Variants in FREM1 observed in about 807,000 individuals in gnomAD.
The protein encoded by FREM1 is FRAS1 related extracellular matrix 1.
FREM1 carries 220 observed loss-of-function variants against 210.1 expected under a neutral mutation model. The observed-to-expected ratio is 1.05, with a 90% CI of 0.94 to 1.17. FREM1 has a LOEUF of 1.17. Among genes scored for constraint, FREM1 ranks in the 50% most tolerant of loss-of-function variants. The pLI is 0.00. For missense variants in FREM1, 3,454 were observed against 2,675.5 expected, an observed-to-expected ratio of 1.29 and a Z score of -6.42; for synonymous variants, 1,189 against 980.2, an observed-to-expected ratio of 1.21 and a Z score of -3.98.
chr9:14,740,011 A>C (rs1039103659), intron 36 of FREM1, 138 bp downstream of exon 36: 9 of 455,786 alleles, frequency 2.0e-5, no homozygotes, highest in Non-Finnish European at 3.5e-5. Flanking sequence ...TTAAAAGATA[A>C]ATGGCTAGAT....
intron 1 of FREM1, among the ~76,000 whole-genome samples, chr9:14,874,573 G>C (rs1236328353): frequency 6.6e-6 from 1 of 151,088 alleles, no homozygotes; most frequent in African/African-American, 2.5e-5. Flanking sequence ...CTGCACATGA[G>C]ATGGGTTTCC....
chr9:14,797,731 G>T, intron 20 of FREM1, 89 bp from the exon 21 acceptor site: 1 of 1,123,270 alleles, frequency 8.9e-7, no homozygotes. Flanking sequence ...TTTCAAGGCA[G>T]GGGTATTAGC....
At chr9:14,861,631 C>T (rs770096316) in intron 3 of FREM1, among the ~76,000 whole-genome samples, 12 of 151,350 alleles carry the variant, frequency 7.9e-5, no homozygotes, top group African/African-American at 2.7e-4. Flanking sequence ...CTTAGCCTCC[C>T]GAATAGCTGG....
intron 29 of FREM1, 59 bp from the exon 30 acceptor site, chr9:14,750,335 A>C: frequency 7.4e-7 from 1 of 1,345,720 alleles, no homozygotes; most frequent in Non-Finnish European, 1.0e-6. Flanking sequence ...CCTAGGTGTC[A>C]GAGAAATATA....
rs746986331 is a variant in FREM1, at chr9:14,842,657, C to T, written c.1397G>A (p.Gly466Glu). ...AGCCACGGTGAAGAGAAACCCTTTC[C>T]CCCCTGAGGGAGAGAGCAGAGATGG... ...LQHGWLTLRGGKGFLFTVADL... is the reference protein window; with the variant it reads ...LQHGWLTLRGEKGFLFTVADL... Residue 466 changes from glycine (G) to glutamate (E), a missense_variant, in exon 9 of 37, where the codon GGG becomes GAG. Coordinates refer to ENST00000380880, the MANE Select transcript of FREM1 (RefSeq NM_001379081.2). 4.3e-5 allele frequency: 70 copies of T among 1,611,552 alleles called. No individual in the cohort carries two copies. The highest frequency in any genetic ancestry group is 5.8e-5 in the Non-Finnish European group (68 of 1,178,536).
rs767899507 is a variant in FREM1 at position 14,769,837 on chromosome 9, C to A, written c.5091G>T (p.Lys1697Asn). 2.5e-6 allele frequency: 4 copies of A among 1,570,960 alleles called. No homozygotes were observed. Among genetic ancestry groups the A allele is most frequent in the Non-Finnish European group, 2.6e-6 (3 of 1,156,904 alleles). Residue 1697 changes from lysine (K) to asparagine (N), a missense_variant, in exon 27 of 37, where the codon AAG becomes AAT. Coordinates refer to ENST00000380880, the MANE Select transcript of FREM1 (RefSeq NM_001379081.2). ...GEFIHEKFSQ[K>N]DLNSKTILYI... ...AAAGAATAGTCTTACTGTTTAAGTCCTTTTGGCTAAATTTCTCATGGATAA... is the reference window on the plus strand; with the variant it reads ...AAAGAATAGTCTTACTGTTTAAGTCATTTTGGCTAAATTTCTCATGGATAA...
chr9:14,784,713 C>G, intron 23 of FREM1, 79 bp from the exon 24 acceptor site: 2 of 1,113,314 alleles, frequency 1.8e-6, no homozygotes, highest in Non-Finnish European at 2.4e-6. Context: ...AAGACAAAGG[C>G]CAAAACTGTG....
At chr9:14,839,704 G>A (rs995744368) in intron 10 of FREM1, among the ~76,000 whole-genome samples, 2 of 152,116 alleles carry the variant, frequency 1.3e-5, no homozygotes, top group African/African-American at 2.4e-5. Flanking sequence ...TATATGAAGA[G>A]CATGATTTAT....
chr9:14,894,714 T>C (rs1837405103), intron 1 of FREM1, among the ~76,000 whole-genome samples: 1 of 152,234 alleles, frequency 6.6e-6, no homozygotes, highest in Admixed American at 6.5e-5. Flanking sequence ...GAGTAAAGTA[T>C]ACTCCTATGA....
intron 20 of FREM1, 102 bp downstream of exon 20, chr9:14,801,550 T>C: frequency 1.3e-6 from 1 of 788,370 alleles, no homozygotes; most frequent in Non-Finnish European, 2.1e-6. Context: ...ATCATTCTAC[T>C]CTCTGCTTAT....
At position 14,838,454 on chromosome 9, in the gene FREM1, T is replaced by C. The variant is rs146035565; in HGVS notation, c.1881+2993A>G. 1.1e-3 allele frequency among the ~76,000 whole-genome samples: 174 copies of C among 152,082 alleles called. 2 individuals are homozygous for C. The South Asian group carries it at 0.023, about 20-fold the overall frequency. ...AGTTCCTCAAATATTGAAGTTTCACTGATATCGGAGTTTTAAATATAAAAA... is the reference window on the plus strand; with the variant it reads ...AGTTCCTCAAATATTGAAGTTTCACCGATATCGGAGTTTTAAATATAAAAA... On this transcript the variant is annotated intron_variant, in intron 10 of 36. Transcript: ENST00000380880.
rs1825329959 is a variant in FREM1, at chr9:14,839,851, A to G, written c.1881+1596T>C. 1.3e-5 allele frequency among the ~76,000 whole-genome samples: 2 copies of G among 152,242 alleles called. 1 individual carries two copies. Among genetic ancestry groups the G allele is most frequent in the South Asian group, 4.1e-4 (2 of 4,830 alleles). ...TTGGATAGATACACAGAAGACTTAG[A>G]AGTAAATCCTATTAACTGTTACCTT... On this transcript the variant is annotated intron_variant, in intron 10 of 36. Coordinates refer to ENST00000380880, the MANE Select transcript of FREM1 (RefSeq NM_001379081.2).
chr9:14,896,902 G>C (rs10961777), intron 1 of FREM1, among the ~76,000 whole-genome samples: 11,625 of 152,112 alleles, frequency 0.076, 833 homozygotes, highest in East Asian at 0.19. Context: ...CAAGCTGTGA[G>C]GTAACCTTGA....
intron 17 of FREM1, 107 bp from the exon 18 acceptor site, chr9:14,806,953 G>A (rs1019446708): frequency 2.4e-5 from 14 of 582,944 alleles, no homozygotes; most frequent in Middle Eastern, 2.8e-4. Flanking sequence ...AGCCTCCCAC[G>A]TGCAAAAACA....
intron 28 of FREM1, among the ~76,000 whole-genome samples, chr9:14,759,536 C>T (rs1162458835): frequency 2.1e-4 from 1 of 4,756 alleles, no homozygotes; most frequent in Non-Finnish European, 9.8e-4. Flanking sequence ...ATAATAATAT[C>T]TCTTGTGCTA....
intron 10 of FREM1, among the ~76,000 whole-genome samples, chr9:14,832,368 C>T (rs10081714): frequency 0.28 from 43,096 of 152,038 alleles, 7,059 homozygotes; most frequent in South Asian, 0.41. Flanking sequence ...AGTTGGCAAA[C>T]CCTCACTGCA....
chr9:14,890,581 T>G (rs956193105), intron 1 of FREM1, among the ~76,000 whole-genome samples: 5 of 152,216 alleles, frequency 3.3e-5, no homozygotes, highest in African/African-American at 1.2e-4. Context: ...AACGGGTTCT[T>G]TGAGAAATCA....
intron 29 of FREM1, among the ~76,000 whole-genome samples, chr9:14,755,000 A>G (rs1177113806): frequency 6.6e-6 from 1 of 152,218 alleles, no homozygotes; most frequent in Non-Finnish European, 1.5e-5. Context: ...CTACGTGAAG[A>G]TGAAAGCAGA....
intron 16 of FREM1, among the ~76,000 whole-genome samples, chr9:14,809,273 C>A (rs910830317): frequency 6.6e-6 from 1 of 152,172 alleles, no homozygotes; most frequent in African/African-American, 2.4e-5. Flanking sequence ...GTCCATTAAA[C>A]CTCTTTCTTT....
Sources: gnomAD v4.1 joint callset for allele counts (sites outside exome capture counted in the v4.1 genomes callset) on GRCh38, gnomAD v4.1.1 for gene constraint, MANE v1.5 for transcripts, NCBI Gene and HGNC (gene_info 2026-07-23, HGNC 2026-07-21) for gene names.